ARHGEF10: variants seen among roughly 807,000 people sequenced by gnomAD.
The protein encoded by ARHGEF10 is Rho guanine nucleotide exchange factor 10, also known as Rho guanine nucleotide exchange factor (GEF) 10.
Under a neutral mutation model 147.4 loss-of-function variants are expected in ARHGEF10, and 140 were observed. The ratio of observed to expected loss-of-function variants is 0.95; its 90% CI spans 0.83 to 1.09. The LOEUF (loss-of-function observed/expected upper bound fraction) is 1.09, where lower values mean the gene tolerates loss of function less well. ARHGEF10 is among the 50% of genes least tolerant of loss of function. ARHGEF10 has a pLI of 0.00. For missense variants in ARHGEF10, 2,222 were observed against 1,752.7 expected (o/e 1.27, Z -4.78); for synonymous variants, 902 against 695.8 (o/e 1.30, Z -4.67).
intron 18 of ARHGEF10, among the ~76,000 whole-genome samples, chr8:1,915,013 G>A (rs1811650782): frequency 6.6e-6 from 1 of 152,128 alleles, no homozygotes; most frequent in Non-Finnish European, 1.5e-5. Context: ...CTGGGGGAGC[G>A]GATGCAGCTG....
intron 15 of ARHGEF10, among the ~76,000 whole-genome samples, chr8:1,901,355 T>G (rs965209763): frequency 2.0e-5 from 3 of 152,132 alleles, no homozygotes; most frequent in African/African-American, 4.8e-5. Context: ...GCGTTCTTCC[T>G]GGTTAGTGCT....
intron 15 of ARHGEF10, among the ~76,000 whole-genome samples, chr8:1,898,955 G>C (rs1810242470): frequency 6.6e-6 from 1 of 152,236 alleles, no homozygotes; most frequent in African/African-American, 2.4e-5. Context: ...GGATGGACAA[G>C]CTTGGAAAGC....
At chr8:1,896,085 A>C (rs1216257272) in intron 13 of ARHGEF10, among the ~76,000 whole-genome samples, 1 of 152,190 alleles carries the variant, frequency 6.6e-6, no homozygotes, top group African/African-American at 2.4e-5. Context: ...AACCCAAATT[A>C]CCATGGTTTT....
At chr8:1,928,756 C>A in intron 24 of ARHGEF10, 106 bp downstream of exon 24, 1 of 1,310,402 alleles carries the variant, frequency 7.6e-7, no homozygotes, top group Non-Finnish European at 1.1e-6. Flanking sequence ...TCAGGAGTAG[C>A]CCGTGCAGGA....
In ARHGEF10 at chr8:1,912,965, C is replaced by T. The variant is rs117038954; in HGVS notation, c.2143+3495C>T. 4.4e-3 allele frequency among the ~76,000 whole-genome samples: 666 copies of T among 152,270 alleles called. 1 individual carries two copies. The highest frequency in any genetic ancestry group is 6.5e-3 in the Non-Finnish European group (443 of 68,020). ...TCCACCCGGCCGCTGTTCCTTCTCA[C>T]GTTGCGCTCCATCCTGTCTGGCAGG... On this transcript the variant is annotated intron_variant, in intron 18 of 28. Coordinates refer to ENST00000349830, the MANE Select transcript of ARHGEF10 (RefSeq NM_014629.4).
intron 23 of ARHGEF10, 80 bp downstream of exon 23, chr8:1,926,543 T>G: frequency 6.7e-6 from 9 of 1,343,264 alleles, no homozygotes; most frequent in Non-Finnish European, 6.4e-6. Context: ...GACTGAGATG[T>G]GAATTGCTCA....
intron 18 of ARHGEF10, among the ~76,000 whole-genome samples, chr8:1,915,902 T>C (rs1317314633): frequency 6.6e-6 from 1 of 152,248 alleles, no homozygotes; most frequent in Non-Finnish European, 1.5e-5. Context: ...TAGACGCCGA[T>C]GCATCCCTGG....
chr8:1,894,633 C>T (rs944718468), intron 13 of ARHGEF10, 61 bp downstream of exon 13: 4 of 1,574,138 alleles, frequency 2.5e-6, no homozygotes, highest in Non-Finnish European at 3.5e-6. Context: ...CCTCTCTTCC[C>T]TTCTTAGGCT....
At chr8:1,883,486 G>C (rs1808392242) in intron 10 of ARHGEF10, among the ~76,000 whole-genome samples, 1 of 152,138 alleles carries the variant, frequency 6.6e-6, no homozygotes, top group African/African-American at 2.4e-5. Context: ...GCTAATATCT[G>C]TACTTGGAAG....
intron 1 of ARHGEF10, among the ~76,000 whole-genome samples, chr8:1,830,649 G>A (rs965211597): frequency 1.3e-5 from 2 of 152,208 alleles, no homozygotes; most frequent in African/African-American, 2.4e-5. Flanking sequence ...GGTGTGAACC[G>A]CAGAGACCAT....
Position 1,923,459 on chromosome 8 carries a change from C to T in ARHGEF10, c.2260-9C>T, listed in dbSNP as rs776472536. Reference sequence around the variant, plus strand: ...ACTTTTGAAATGTGCGTATTTATTTCCTTTGTAGAACTTAAACCAGTCAGT... The same window carrying T: ...ACTTTTGAAATGTGCGTATTTATTTTCTTTGTAGAACTTAAACCAGTCAGT... On this transcript the variant is annotated splice_polypyrimidine_tract_variant and intron_variant, in intron 19 of 28. Transcript: ENST00000349830. The T allele has an allele frequency of 3.1e-6, 5 of 1,613,944 alleles. No homozygotes were observed. The African/African-American group carries it at 4.0e-5, about 13-fold the overall frequency.
intron 7 of ARHGEF10, 43 bp from the exon 8 acceptor site, chr8:1,876,528 G>A: frequency 6.3e-7 from 1 of 1,591,860 alleles, no homozygotes; most frequent in Non-Finnish European, 8.6e-7. Context: ...AGCCCACATG[G>A]AATTCTAAAG....
intron 2 of ARHGEF10, among the ~76,000 whole-genome samples, chr8:1,846,826 G>T (rs1804599796): frequency 2.0e-5 from 3 of 152,262 alleles, no homozygotes; most frequent in African/African-American, 7.2e-5. Flanking sequence ...ATCTGCCCAC[G>T]TTGGCCTCCG....
Position 1,937,797 on chromosome 8 carries a change from C to G in ARHGEF10, c.3222+3855C>G, listed in dbSNP as rs1813742231. ...CATATGCTGTCAGAACAGTGCCGGC[C>G]TGGGAGCTGCATGTGATCTGGGCTT... is the stretch of plus-strand genomic sequence containing the variant. On this transcript the variant is annotated intron_variant, in intron 26 of 28. Transcript: ENST00000349830. The surrounding 1 kb of genome is among the most constrained non-coding windows in gnomAD (Gnocchi z 4.9). Among the ~76,000 whole-genome samples, 1 of 152,198 alleles carries G rather than the reference C, an allele frequency of 6.6e-6. No individual in the cohort carries two copies. The highest frequency in any genetic ancestry group is 1.5e-5 in the Non-Finnish European group (1 of 68,050).
intron 2 of ARHGEF10, among the ~76,000 whole-genome samples, chr8:1,848,776 A>C (rs971702095): frequency 3.3e-5 from 5 of 152,226 alleles, no homozygotes; most frequent in African/African-American, 1.2e-4. Context: ...TTTTAGAAGT[A>C]GTCTTTTTTT....
chr8:1,944,072 C>A (rs939680436), intron 26 of ARHGEF10, among the ~76,000 whole-genome samples: 1 of 150,874 alleles, frequency 6.6e-6, no homozygotes, highest in Non-Finnish European at 1.5e-5. Flanking sequence ...CAGCCTCCCG[C>A]ACCGTGTCAC....
chr8:1,873,186 G>T (rs1229155320), intron 7 of ARHGEF10, among the ~76,000 whole-genome samples: 1 of 152,166 alleles, frequency 6.6e-6, no homozygotes, highest in Non-Finnish European at 1.5e-5. Flanking sequence ...AGAAACTCAC[G>T]CCGCCGCAGG....
chr8:1,950,799 G>C (rs13268639), intron 27 of ARHGEF10, among the ~76,000 whole-genome samples: 137,197 of 147,428 alleles, frequency 0.93, 63,869 homozygotes, highest in East Asian at 1. Flanking sequence ...AGGCTGGTCT[G>C]GAACTCCTGG....
chr8:1,864,203 A>G (rs1806387167), intron 4 of ARHGEF10, among the ~76,000 whole-genome samples, 170 bp from the exon 5 acceptor site: 1 of 152,230 alleles, frequency 6.6e-6, no homozygotes, highest in African/African-American at 2.4e-5. Context: ...CCAGTCTTGA[A>G]TACATTTTAT....
Sources: gnomAD v4.1 joint callset for allele counts (sites outside exome capture counted in the v4.1 genomes callset) on GRCh38, gnomAD v4.1.1 for gene constraint, Gnocchi (gnomAD v3.1) non-coding constraint, MANE v1.5 for transcripts, NCBI Gene and HGNC (gene_info 2026-07-23, HGNC 2026-07-21) for gene names.